RGS7: variants seen among roughly 807,000 people sequenced by gnomAD.
RGS7 encodes the protein regulator of G-protein signaling 7.
RGS7 carries 27 observed loss-of-function variants against 81.1 expected under a neutral mutation model. That is an observed-to-expected ratio of 0.33 (90% confidence interval 0.25 to 0.46). RGS7 has a LOEUF of 0.46. Ranked by LOEUF, RGS7 falls within the 20% of genes least tolerant of loss-of-function variation. RGS7 has a pLI of 1.00. For synonymous variants in RGS7, 208 were observed against 207.7 expected, an observed-to-expected ratio of 1.00 and a Z score of -0.01; for missense variants, 396 against 607.4, an observed-to-expected ratio of 0.65 and a Z score of 3.66.
At chr1:240,986,997 G>A (rs1266051368) in intron 3 of RGS7, among the ~76,000 whole-genome samples, 1 of 152,216 alleles carries the variant, frequency 6.6e-6, no homozygotes, top group Non-Finnish European at 1.5e-5. Context: ...GCCCCCTGCA[G>A]AGTGCAAAGG....
chr1:241,306,865 A>G (rs931798674), intron 2 of RGS7, among the ~76,000 whole-genome samples: 11 of 152,204 alleles, frequency 7.2e-5, no homozygotes, highest in African/African-American at 2.7e-4. Context: ...CTAGATGCCT[A>G]GTTTGGAACA....
At chr1:241,010,510 CA>C (rs1374944130) in intron 3 of RGS7, among the ~76,000 whole-genome samples, 3 of 152,208 alleles carry the variant, frequency 2.0e-5, no homozygotes, top group Admixed American at 6.5e-5. Flanking sequence ...ATTCAGCACA[CA>C]GAAAGGAATC....
intron 3 of RGS7, among the ~76,000 whole-genome samples, chr1:240,991,946 AT>A (rs929254104): frequency 2.0e-5 from 3 of 152,208 alleles, no homozygotes; most frequent in African/African-American, 7.2e-5. Flanking sequence ...GACATAGGAG[AT>A]AAAGAAAATG....
intron 18 of RGS7, among the ~76,000 whole-genome samples, chr1:240,797,512 C>A (rs545634265): frequency 6.6e-6 from 1 of 152,006 alleles, no homozygotes; most frequent in Non-Finnish European, 1.5e-5. Flanking sequence ...CCACCACGCC[C>A]GGCTAATTTT....
chr1:241,346,980 T>C (rs115623592), intron 2 of RGS7, among the ~76,000 whole-genome samples: 1,869 of 152,302 alleles, frequency 0.012, 14 homozygotes, highest in Non-Finnish European at 0.02. Context: ...TCTCTCTACA[T>C]GGTACCAAAT....
intron 3 of RGS7, among the ~76,000 whole-genome samples, chr1:241,074,610 C>A (rs2062684925): frequency 6.6e-6 from 1 of 152,174 alleles, no homozygotes; most frequent in Non-Finnish European, 1.5e-5. Context: ...GCAATCAGTG[C>A]AGAAATATTC....
At chr1:241,294,656 C>T (rs1056762675) in intron 2 of RGS7, among the ~76,000 whole-genome samples, 1 of 152,228 alleles carries the variant, frequency 6.6e-6, no homozygotes, top group African/African-American at 2.4e-5. Flanking sequence ...CCCAGGCCTG[C>T]AAGCTCCATT....
intron 4 of RGS7, among the ~76,000 whole-genome samples, chr1:240,964,063 A>C (rs1056517540): frequency 2.0e-5 from 3 of 152,186 alleles, no homozygotes; most frequent in African/African-American, 4.8e-5. Flanking sequence ...GTGGTGAGAG[A>C]GGATGGGGTA....
chr1:240,942,379 C>T (rs1046516409), intron 4 of RGS7, among the ~76,000 whole-genome samples: 5 of 152,132 alleles, frequency 3.3e-5, no homozygotes, highest in Non-Finnish European at 7.4e-5. Flanking sequence ...ATTTTTCTTA[C>T]CCAGAGGCTC....
intron 3 of RGS7, among the ~76,000 whole-genome samples, chr1:241,024,031 G>A (rs1376921358): frequency 6.6e-6 from 1 of 152,190 alleles, no homozygotes; most frequent in African/African-American, 2.4e-5. Context: ...GGGATTACAG[G>A]CATGAGCCAA....
At chr1:240,802,860 C>T in intron 16 of RGS7, 44 bp downstream of exon 16, 2 of 1,239,116 alleles carry the variant, frequency 1.6e-6, no homozygotes, top group East Asian at 2.3e-5. Context: ...ATAATTATAA[C>T]TGAGAACTAG....
chr1:241,188,314 A>C (rs113145353), intron 2 of RGS7, among the ~76,000 whole-genome samples: 50 of 142,724 alleles, frequency 3.5e-4, no homozygotes, highest in African/African-American at 9.9e-4. Flanking sequence ...CACACACACA[A>C]AAAGAGACAG....
intron 2 of RGS7, among the ~76,000 whole-genome samples, chr1:241,140,426 T>G (rs1166712223): frequency 6.6e-6 from 1 of 152,146 alleles, no homozygotes; most frequent in African/African-American, 2.4e-5. Flanking sequence ...AGCTTCTTTT[T>G]AACTATTTAT....
chr1:241,184,554 T>C (rs975731587), intron 2 of RGS7, among the ~76,000 whole-genome samples: 1 of 152,220 alleles, frequency 6.6e-6, no homozygotes, highest in African/African-American at 2.4e-5. Context: ...TTCCACTTTA[T>C]TTCCTGTTTC....
intron 2 of RGS7, among the ~76,000 whole-genome samples, chr1:241,205,666 G>T (rs2073832305): frequency 6.6e-6 from 1 of 151,352 alleles, no homozygotes; most frequent in South Asian, 2.1e-4. Context: ...TCACCATCTT[G>T]CCCAGTCCAG....
At chr1:241,011,909 T>C (rs540331950) in intron 3 of RGS7, among the ~76,000 whole-genome samples, 4 of 152,306 alleles carry the variant, frequency 2.6e-5, no homozygotes, top group Non-Finnish European at 5.9e-5. Flanking sequence ...ATTCCTCCCC[T>C]TACTTTTGGC....
At chr1:240,910,546 T>A (rs1671576863) in intron 6 of RGS7, among the ~76,000 whole-genome samples, 1 of 152,122 alleles carries the variant, frequency 6.6e-6, no homozygotes, top group Non-Finnish European at 1.5e-5. Flanking sequence ...TGACTATAGT[T>A]AACAATAATG....
At chr1:240,920,265 C>A in intron 6 of RGS7, 2 of 1,284,018 alleles carry the variant, frequency 1.6e-6, no homozygotes, top group Non-Finnish European at 2.2e-6. Context: ...TGGTGGTGAT[C>A]GTGGTGGTGG....
intron 2 of RGS7, among the ~76,000 whole-genome samples, chr1:241,126,861 C>A (rs2066700625): frequency 1.3e-5 from 2 of 150,694 alleles, no homozygotes. Flanking sequence ...TAGAAACCAA[C>A]CTTGTAGAGT....
Sources: allele counts gnomAD v4.1 joint callset (sites outside exome capture counted in the v4.1 genomes callset), GRCh38; gene constraint gnomAD v4.1.1; transcripts MANE v1.5; gene names NCBI Gene and HGNC (gene_info 2026-07-23, HGNC 2026-07-21).